ABCC9: variants seen among roughly 807,000 people sequenced by gnomAD.
ABCC9 encodes ATP binding cassette subfamily C member 9.
A neutral mutation model predicts 188.3 loss-of-function variants in ABCC9; 95 were observed. That is an observed-to-expected ratio of 0.50 (90% confidence interval 0.43 to 0.60). The LOEUF (loss-of-function observed/expected upper bound fraction) is 0.60. Among genes scored for constraint, ABCC9 ranks in the 20% least tolerant of loss-of-function variants. The probability of loss-of-function intolerance (pLI) is 0.00; values close to 1 mark genes in which losing one functional copy is unlikely to be tolerated. For missense variants in ABCC9, 1,102 were observed against 1,876.3 expected (o/e 0.59, Z 7.62); for synonymous variants, 659 against 652.7 (o/e 1.01, Z -0.15).
chr12:21,869,997 T>C (rs1308617972), intron 18 of ABCC9, among the ~76,000 whole-genome samples: 1 of 152,174 alleles, frequency 6.6e-6, no homozygotes, highest in Non-Finnish European at 1.5e-5. Flanking sequence ...TGGATCAAAC[T>C]AGATGTTGAA....
intron 12 of ABCC9, among the ~76,000 whole-genome samples, chr12:21,905,002 C>T (rs1053845411): frequency 6.6e-6 from 1 of 152,152 alleles, no homozygotes; most frequent in Non-Finnish European, 1.5e-5. Context: ...CAGCACTATT[C>T]ACAATAGCAA....
intron 15 of ABCC9, among the ~76,000 whole-genome samples, chr12:21,885,894 A>T (rs745591121): frequency 3.9e-5 from 6 of 152,174 alleles, no homozygotes; most frequent in Non-Finnish European, 7.3e-5. Context: ...AAAAATATAT[A>T]ATATAGATTG....
chr12:21,814,437 G>A (rs1942463189), intron 35 of ABCC9, among the ~76,000 whole-genome samples: 1 of 152,112 alleles, frequency 6.6e-6, no homozygotes, highest in African/African-American at 2.4e-5. Flanking sequence ...GTATAGACAT[G>A]AGTTTAAGGC....
chr12:21,937,342 C>T (rs1007479445), intron 2 of ABCC9, among the ~76,000 whole-genome samples: 1 of 152,140 alleles, frequency 6.6e-6, no homozygotes, highest in African/African-American at 2.4e-5. Context: ...ACAAGAAATA[C>T]ACTCTACGCA....
At chr12:21,838,681 G>A (rs1944228460) in intron 29 of ABCC9, among the ~76,000 whole-genome samples, 1 of 152,146 alleles carries the variant, frequency 6.6e-6, no homozygotes. Flanking sequence ...CCTTGTAAGG[G>A]TGACAGTGGA....
At chr12:21,879,270 A>G (rs1275233304) in intron 16 of ABCC9, among the ~76,000 whole-genome samples, 1 of 152,178 alleles carries the variant, frequency 6.6e-6, no homozygotes, top group Non-Finnish European at 1.5e-5. Flanking sequence ...GGTAGGAGGT[A>G]TGTATATTGG....
intron 37 of ABCC9, among the ~76,000 whole-genome samples, chr12:21,807,718 A>C (rs1408752677): frequency 6.6e-6 from 1 of 152,188 alleles, no homozygotes; most frequent in Non-Finnish European, 1.5e-5. Flanking sequence ...AGGATATAAA[A>C]CATTTGGAAG....
chr12:21,852,223 C>G lies in ABCC9; in HGVS notation c.2644-1G>C, dbSNP rs757585685. Reference sequence around the variant, plus strand: ...CACTTCCATCTTTCATGGCTATGATCTAAGGAAAGCGGATATTCCCAGAAA... The same window carrying G: ...CACTTCCATCTTTCATGGCTATGATGTAAGGAAAGCGGATATTCCCAGAAA... On this transcript the variant is annotated splice_acceptor_variant, in intron 23 of 39. Coordinates refer to ENST00000261200, the MANE Select transcript of ABCC9 (RefSeq NM_020297.4). LOFTEE classifies it high-confidence loss of function. 1 of 1,613,790 alleles carries G rather than the reference C, an allele frequency of 6.2e-7. No homozygotes were observed. Among genetic ancestry groups the G allele is most frequent in the Admixed American group, 1.7e-5 (1 of 59,998 alleles).
Position 21,838,169 on chromosome 12 carries a change from C to T in ABCC9, c.3475G>A (p.Asp1159Asn). The change falls in exon 30 of 40, where the codon GAC becomes AAC. Residue 1159 changes from aspartate to asparagine, a missense_variant and splice_region_variant. By Grantham distance (23) the Asp-to-Asn change is conservative (BLOSUM62 1). Around this residue, in one of 12 missense-constraint regions of ABCC9, gnomAD observed 143 missense variants for 225.6 expected, o/e 0.63. Transcript: ENST00000261200. Reference sequence around the variant, plus strand: ...GTACTATCGTCAAGTTCCTGGAGGTCCCTAGTAGAGAGAGGGGCAAAAATA... The same window carrying T: ...GTACTATCGTCAAGTTCCTGGAGGTTCCTAGTAGAGAGAGGGGCAAAAATA... ...IQKYFRVASK[D>N]LQELDDSTQL... 6.2e-7 allele frequency: 1 copy of T among 1,611,972 alleles called. No individual in the cohort carries two copies. The highest frequency in any genetic ancestry group is 8.5e-7 in the Non-Finnish European group (1 of 1,178,136).
chr12:21,829,185 AG>A, intron 30 of ABCC9, 125 bp from the exon 31 acceptor site: 2 of 324,912 alleles, frequency 6.2e-6, no homozygotes, highest in African/African-American at 2.3e-5. Context: ...ATCAGTAAAT[AG>A]ATTTCTTTTT....
rs1592229860 is a variant in ABCC9, at chr12:21,916,832, T to C, written c.573+105A>G. On this transcript the variant is annotated intron_variant, in intron 6 of 39. Transcript: ENST00000261200. Reference sequence around the variant, plus strand: ...TTTATATTTATATATATAAATCAAATACATGTGTTCATCCTTGTCAATACT... The same window carrying C: ...TTTATATTTATATATATAAATCAAACACATGTGTTCATCCTTGTCAATACT... 4.1e-6 allele frequency: 4 copies of C among 981,638 alleles called. No individual in the cohort carries two copies. The African/African-American group carries it at 6.5e-5, about 16-fold the overall frequency. 60.8% of individuals were successfully genotyped at this position (981,638 alleles called of 1,614,324 possible). A position where few individuals can be genotyped will look rare whatever the true frequency, so the allele number is the denominator to read the frequency against.
chr12:21,837,884 T>A lies in ABCC9; in HGVS notation c.3566+194A>T, dbSNP rs1944182606. Among the ~76,000 whole-genome samples, 3 of 152,196 alleles carry A rather than the reference T, an allele frequency of 2.0e-5. No individual in the cohort carries two copies. In the South Asian group the frequency reaches 6.2e-4, roughly 31 times the overall value. On this transcript the variant is annotated intron_variant, in intron 30 of 39. Transcript: ENST00000261200. ...CTATCTGTTGCTTCATCCTTTATTA[T>A]AGTTAGCATTTTGGATGAGTAAACT...
At chr12:21,831,670 T>A (rs1338404077) in intron 30 of ABCC9, among the ~76,000 whole-genome samples, 1 of 152,126 alleles carries the variant, frequency 6.6e-6, no homozygotes, top group East Asian at 1.9e-4. Flanking sequence ...GAAGATAATC[T>A]GAGTGAGGTT....
intron 13 of ABCC9, 77 bp downstream of exon 13, chr12:21,895,198 C>T (rs1592169629): frequency 7.9e-7 from 1 of 1,262,794 alleles, no homozygotes; most frequent in East Asian, 2.3e-5. Context: ...TATATTACTA[C>T]CCACACATTC....
At chr12:21,933,006 G>C (rs954990738) in intron 4 of ABCC9, among the ~76,000 whole-genome samples, 1 of 61,994 alleles carries the variant, frequency 1.6e-5, no homozygotes, top group Admixed American at 1.7e-4. Context: ...TGATAGACTG[G>C]ATAAAGAAAA....
intron 22 of ABCC9, 45 bp from the exon 23 acceptor site, chr12:21,852,550 G>A (rs1426164504): frequency 1.3e-6 from 2 of 1,598,070 alleles, no homozygotes; most frequent in Non-Finnish European, 1.7e-6. Context: ...TTCTATACTT[G>A]TTACATAACT....
At chr12:21,914,801 G>C (rs1948466564) in intron 7 of ABCC9, among the ~76,000 whole-genome samples, 1 of 151,718 alleles carries the variant, frequency 6.6e-6, no homozygotes, top group Non-Finnish European at 1.5e-5. Flanking sequence ...GGCTCTTCCA[G>C]TCTTCCAGGC....
At chr12:21,808,517 A>G (rs1942011960) in intron 37 of ABCC9, among the ~76,000 whole-genome samples, 1 of 152,146 alleles carries the variant, frequency 6.6e-6, no homozygotes, top group African/African-American at 2.4e-5. Flanking sequence ...TAATGGTGAG[A>G]GAGGGGATCT....
At chr12:21,916,246 A>T (rs1408048986) in intron 6 of ABCC9, among the ~76,000 whole-genome samples, 1 of 152,194 alleles carries the variant, frequency 6.6e-6, no homozygotes, top group Non-Finnish European at 1.5e-5. Flanking sequence ...TTTAGATTTT[A>T]AAATGTATTA....
Sources: allele counts gnomAD v4.1 joint callset (sites outside exome capture counted in the v4.1 genomes callset), GRCh38; gene constraint gnomAD v4.1.1; regional missense constraint gnomAD v4.1.1; transcripts MANE v1.5; gene names NCBI Gene and HGNC (gene_info 2026-07-23, HGNC 2026-07-21).